Variants in CCSER1 observed in about 807,000 individuals in gnomAD.
CCSER1 encodes coiled-coil serine rich protein 1.
CCSER1 carries 41 observed loss-of-function variants against 82.0 expected under a neutral mutation model. The ratio of observed to expected loss-of-function variants is 0.50; its 90% CI spans 0.39 to 0.65. The LOEUF (loss-of-function observed/expected upper bound fraction) is 0.65, where lower values mean the gene tolerates loss of function less well. CCSER1 is among the 30% of genes least tolerant of loss of function. The pLI, the probability that CCSER1 is intolerant of heterozygous loss-of-function variation, is 0.00. For missense variants in CCSER1, 1,119 were observed against 1,064.2 expected (o/e 1.05, Z -0.72); for synonymous variants, 414 against 383.9 (o/e 1.08, Z -0.92).
chr4:91,506,891 A>G (rs754806571), intron 10 of CCSER1, among the ~76,000 whole-genome samples: 1 of 152,142 alleles, frequency 6.6e-6, no homozygotes, highest in Admixed American at 6.6e-5. Context: ...ATGAAAACAT[A>G]GAGTCTGTAG....
At chr4:90,826,498 C>G (rs1760472111) in intron 8 of CCSER1, among the ~76,000 whole-genome samples, 1 of 152,208 alleles carries the variant, frequency 6.6e-6, no homozygotes, top group African/African-American at 2.4e-5. Flanking sequence ...ACAACAGCCA[C>G]TAGCTACTGA....
At chr4:91,133,784 T>A (rs1728210503) in intron 10 of CCSER1, among the ~76,000 whole-genome samples, 2 of 152,270 alleles carry the variant, frequency 1.3e-5, no homozygotes, top group African/African-American at 2.4e-5. Flanking sequence ...AAGTTTAAGA[T>A]AAGCCTGAAG....
chr4:90,819,018 T>G (rs1223846465), intron 8 of CCSER1, among the ~76,000 whole-genome samples: 1 of 152,170 alleles, frequency 6.6e-6, no homozygotes, highest in African/African-American at 2.4e-5. Context: ...CTAAAGTCTA[T>G]TTGTCAGATT....
At chr4:91,570,667 C>T (rs927232052) in intron 10 of CCSER1, among the ~76,000 whole-genome samples, 1 of 152,170 alleles carries the variant, frequency 6.6e-6, no homozygotes, top group Non-Finnish European at 1.5e-5. Flanking sequence ...CTCAAGGCTG[C>T]ATAGAACAGA....
At chr4:90,860,950 A>G (rs1243689631) in intron 8 of CCSER1, among the ~76,000 whole-genome samples, 1 of 151,580 alleles carries the variant, frequency 6.6e-6, no homozygotes, top group Non-Finnish European at 1.5e-5. Flanking sequence ...TGATGGTTGA[A>G]CAACTCTGAC....
At chr4:91,085,387 C>T (rs560909099) in intron 9 of CCSER1, among the ~76,000 whole-genome samples, 2 of 152,134 alleles carry the variant, frequency 1.3e-5, no homozygotes, top group South Asian at 2.1e-4. Flanking sequence ...ATAACTCTTT[C>T]TTCTTTTAAT....
chr4:91,535,937 C>A (rs1356400550), intron 10 of CCSER1, among the ~76,000 whole-genome samples: 1 of 152,080 alleles, frequency 6.6e-6, no homozygotes, highest in African/African-American at 2.4e-5. Flanking sequence ...CTTGGCCTTT[C>A]CCTTTTGTCC....
At chr4:91,581,819 T>C (rs1763740378) in intron 10 of CCSER1, among the ~76,000 whole-genome samples, 1 of 151,542 alleles carries the variant, frequency 6.6e-6, no homozygotes, top group Non-Finnish European at 1.5e-5. Flanking sequence ...CAGAGCAGAA[T>C]TTCTGACTTC....
At chr4:90,944,919 T>A (rs1732048479) in intron 9 of CCSER1, among the ~76,000 whole-genome samples, 1 of 152,202 alleles carries the variant, frequency 6.6e-6, no homozygotes, top group South Asian at 2.1e-4. Context: ...TTGACATGAA[T>A]GGTAAATCAT....
chr4:90,978,533 TC>T (rs1735814019), intron 9 of CCSER1, among the ~76,000 whole-genome samples: 1 of 150,860 alleles, frequency 6.6e-6, no homozygotes, highest in Non-Finnish European at 1.5e-5. Flanking sequence ...GTTACAATAA[TC>T]TAATTTAGAT....
At chr4:91,414,509 G>T (rs1578399327) in intron 10 of CCSER1, among the ~76,000 whole-genome samples, 1 of 152,202 alleles carries the variant, frequency 6.6e-6, no homozygotes, top group South Asian at 2.1e-4. Flanking sequence ...AGGAACAGGG[G>T]ATCCATGAGA....
chr4:91,316,046 T>C (rs1286445072), intron 10 of CCSER1, among the ~76,000 whole-genome samples: 1 of 151,976 alleles, frequency 6.6e-6, no homozygotes, highest in Non-Finnish European at 1.5e-5. Context: ...GATCTGATGG[T>C]TTTACATAGG....
intron 10 of CCSER1, among the ~76,000 whole-genome samples, chr4:91,526,828 G>T (rs2110157031): frequency 6.6e-6 from 1 of 151,944 alleles, no homozygotes; most frequent in South Asian, 2.1e-4. Context: ...CCTGATGTCA[G>T]GTGATCCACC....
intron 5 of CCSER1, among the ~76,000 whole-genome samples, chr4:90,579,876 T>A (rs187020224): frequency 0.013 from 1,888 of 150,396 alleles, 40 homozygotes; most frequent in African/African-American, 0.045. Context: ...GATTTTTTTT[T>A]AAAGATGGCT....
At chr4:91,214,861 T>A (rs961345101) in intron 10 of CCSER1, among the ~76,000 whole-genome samples, 3 of 152,146 alleles carry the variant, frequency 2.0e-5, no homozygotes, top group African/African-American at 7.2e-5. Flanking sequence ...ATCCTTTTAC[T>A]TGAAATTTCA....
At chr4:90,836,993 T>G (rs916806596) in intron 8 of CCSER1, among the ~76,000 whole-genome samples, 2 of 152,136 alleles carry the variant, frequency 1.3e-5, no homozygotes, top group African/African-American at 4.8e-5. Flanking sequence ...ATAATAAAAA[T>G]AAAATTTAAT....
At chr4:90,592,711 T>C (rs1782859394) in intron 5 of CCSER1, among the ~76,000 whole-genome samples, 1 of 152,094 alleles carries the variant, frequency 6.6e-6, no homozygotes, top group Non-Finnish European at 1.5e-5. Context: ...TTTTTTTTCA[T>C]CTATTGAATT....
At chr4:91,497,751 G>C (rs1254441343) in intron 10 of CCSER1, among the ~76,000 whole-genome samples, 1 of 151,820 alleles carries the variant, frequency 6.6e-6, no homozygotes, top group African/African-American at 2.4e-5. Flanking sequence ...CAGATGTATA[G>C]TATTCACTAT....
intron 5 of CCSER1, among the ~76,000 whole-genome samples, chr4:90,550,406 T>C (rs1159533207): frequency 6.6e-6 from 1 of 152,186 alleles, no homozygotes; most frequent in African/African-American, 2.4e-5. Flanking sequence ...TATTAGTTCC[T>C]GTTTTGTTTG....
Sources: gnomAD v4.1 joint callset for allele counts (sites outside exome capture counted in the v4.1 genomes callset) on GRCh38, gnomAD v4.1.1 for gene constraint, MANE v1.5 for transcripts, NCBI Gene and HGNC (gene_info 2026-07-23, HGNC 2026-07-21) for gene names.